Variants in SLC35F4 observed in about 807,000 individuals in gnomAD.
The protein encoded by SLC35F4 is chromosome 14 open reading frame 36.
In SLC35F4, 24 loss-of-function variants were observed where a neutral mutation model predicts 44.2. The observed-to-expected ratio is 0.54, with a 90% CI of 0.39 to 0.76. The LOEUF (loss-of-function observed/expected upper bound fraction) is 0.76. Among genes scored for constraint, SLC35F4 ranks in the 30% least tolerant of loss-of-function variants. The pLI is 0.00. For synonymous variants in SLC35F4, 238 were observed against 223.6 expected, an observed-to-expected ratio of 1.06 and a Z score of -0.57; for missense variants, 562 against 586.1, an observed-to-expected ratio of 0.96 and a Z score of 0.42.
chr14:57,773,848 T>C (rs2077426495), intron 1 of SLC35F4, among the ~76,000 whole-genome samples: 1 of 152,098 alleles, frequency 6.6e-6, no homozygotes, highest in South Asian at 2.1e-4. Context: ...CCCTGAGAAA[T>C]TGGTATGCAC....
intron 1 of SLC35F4, among the ~76,000 whole-genome samples, chr14:57,828,724 G>A (rs567016423): frequency 5.9e-4 from 90 of 152,288 alleles, no homozygotes; most frequent in African/African-American, 2.1e-3. Flanking sequence ...TGGTGATCCA[G>A]GATAGGAGTT....
At chr14:57,735,681 A>T (rs2076445201) in intron 1 of SLC35F4, among the ~76,000 whole-genome samples, 1 of 151,530 alleles carries the variant, frequency 6.6e-6, no homozygotes, top group African/African-American at 2.4e-5. Flanking sequence ...ACTGCATTCT[A>T]TTGCTTAAAA....
At position 57,581,209 on chromosome 14, in the gene SLC35F4, A is replaced by G. The variant is rs1250392652; in HGVS notation, c.807+5T>C. 1.3e-6 allele frequency: 2 copies of G among 1,544,010 alleles called. No homozygotes were observed. The highest frequency in any genetic ancestry group is 1.7e-6 in the Non-Finnish European group (2 of 1,147,794). Reference sequence around the variant, plus strand: ...CATCGCGCATTGAATCAAGTATGCCATTACCCTCACTCCCATGAACCTGTC... The same window carrying G: ...CATCGCGCATTGAATCAAGTATGCCGTTACCCTCACTCCCATGAACCTGTC... On this transcript the variant is annotated splice_donor_5th_base_variant and intron_variant, in intron 4 of 7. Coordinates refer to ENST00000556826, the MANE Select transcript of SLC35F4 (RefSeq NM_001306087.2).
intron 1 of SLC35F4, among the ~76,000 whole-genome samples, chr14:57,742,098 G>A (rs775908318): frequency 2.0e-5 from 3 of 152,068 alleles, no homozygotes; most frequent in East Asian, 1.9e-4. Flanking sequence ...AGGAACAACC[G>A]GTACGAGCCA....
chr14:57,688,761 C>T (rs1051212837), intron 1 of SLC35F4, among the ~76,000 whole-genome samples: 2 of 152,130 alleles, frequency 1.3e-5, no homozygotes, highest in Non-Finnish European at 2.9e-5. Flanking sequence ...GGCTCATACT[C>T]ATTTGTTGAT....
At chr14:57,621,559 C>T (rs549030048) in intron 1 of SLC35F4, among the ~76,000 whole-genome samples, 5 of 152,132 alleles carry the variant, frequency 3.3e-5, no homozygotes, top group Non-Finnish European at 5.9e-5. Flanking sequence ...GAAAAACAAG[C>T]AATGGGAAAG....
At chr14:57,821,298 T>C (rs1178815078) in intron 1 of SLC35F4, among the ~76,000 whole-genome samples, 1 of 152,338 alleles carries the variant, frequency 6.6e-6, no homozygotes, top group South Asian at 2.1e-4. Context: ...TGTGATAGTA[T>C]AGAAAATTAT....
intron 5 of SLC35F4, among the ~76,000 whole-genome samples, chr14:57,571,086 C>T (rs372571177): frequency 2.7e-4 from 41 of 152,122 alleles, no homozygotes; most frequent in African/African-American, 7.5e-4. Context: ...CCAGGAGGGA[C>T]GAAAAGGGTA....
upstream of SLC35F4, among the ~76,000 whole-genome samples, chr14:57,982,848 A>G (rs532427976): frequency 5.9e-5 from 9 of 152,312 alleles, no homozygotes; most frequent in East Asian, 1.7e-3. Flanking sequence ...GTACCACCCC[A>G]AAATTACATG....
intron 1 of SLC35F4, among the ~76,000 whole-genome samples, chr14:57,748,098 A>G (rs547069411): frequency 1.3e-5 from 2 of 152,336 alleles, no homozygotes; most frequent in Admixed American, 6.5e-5. Flanking sequence ...AACTCTATAC[A>G]TGACCAAGAA....
In SLC35F4 at chr14:57,576,793, A is replaced by C. The variant is rs2068818073; in HGVS notation, c.807+4421T>G. 3.3e-5 allele frequency among the ~76,000 whole-genome samples: 5 copies of C among 152,278 alleles called. No homozygotes were observed. The South Asian group carries it at 1.0e-3, about 32-fold the overall frequency. On this transcript the variant is annotated intron_variant, in intron 4 of 7. Transcript: ENST00000556826. ...TTTTATCTGAATAAAATCCATTTGA[A>C]AATGATCTCAGAGGGAGACCTGGAT... is the stretch of plus-strand genomic sequence containing the variant.
downstream of SLC35F4, among the ~76,000 whole-genome samples, chr14:57,976,254 G>T (rs1160288961): frequency 1.3e-5 from 2 of 152,302 alleles, no homozygotes; most frequent in South Asian, 2.1e-4. Context: ...GATATACTGG[G>T]GAAAGGGAAA....
chr14:57,834,741 C>G (rs1329247894), intron 1 of SLC35F4, among the ~76,000 whole-genome samples: 1 of 152,158 alleles, frequency 6.6e-6, no homozygotes, highest in African/African-American at 2.4e-5. Flanking sequence ...CAAAATAGGC[C>G]GGGCACAGTG....
intron 1 of SLC35F4, among the ~76,000 whole-genome samples, chr14:57,684,890 T>C (rs2075022614): frequency 6.6e-6 from 1 of 152,134 alleles, no homozygotes; most frequent in African/African-American, 2.4e-5. Flanking sequence ...GGTAGGTAGA[T>C]TGTGTAGCTC....
intron 1 of SLC35F4, among the ~76,000 whole-genome samples, chr14:57,926,920 T>C (rs1333295209): frequency 6.6e-6 from 1 of 152,190 alleles, no homozygotes; most frequent in Non-Finnish European, 1.5e-5. Flanking sequence ...TGGTCTCCTT[T>C]TCTGTCCTGC....
In SLC35F4 at chr14:57,902,670, T is replaced by A. The variant is rs1022612852; in HGVS notation, n.282+79243A>T. ...AAAAAAATCATGTGTATAAAAATAT[T>A]CATAGCACCATTAACTGTAGCAATA... On this transcript the variant is annotated intron_variant and non_coding_transcript_variant, in intron 1 of 1. Transcript: ENST00000556568. Among the ~76,000 whole-genome samples the A allele has an allele frequency of 1.1e-4, 17 of 152,256 alleles. No homozygotes were observed. In the East Asian group the frequency reaches 1.2e-3, roughly 10 times the overall value.
At chr14:57,656,365 A>G (rs2073970926) in intron 1 of SLC35F4, among the ~76,000 whole-genome samples, 1 of 79,872 alleles carries the variant, frequency 1.3e-5, no homozygotes, top group African/African-American at 6.2e-5. Context: ...TAGAGTATAT[A>G]TATATATATA....
intron 1 of SLC35F4, among the ~76,000 whole-genome samples, chr14:57,957,822 A>C (rs1370107869): frequency 6.6e-6 from 1 of 152,198 alleles, no homozygotes; most frequent in East Asian, 1.9e-4. Flanking sequence ...TCTTCATAAA[A>C]TAAAGAAATA....
At chr14:57,758,005 G>A (rs1002222795) in intron 1 of SLC35F4, among the ~76,000 whole-genome samples, 33 of 125,822 alleles carry the variant, frequency 2.6e-4, no homozygotes, top group South Asian at 1.6e-3. Flanking sequence ...AGGTTCATGT[G>A]TGTGTGTGTG....
Sources: allele counts gnomAD v4.1 joint callset (sites outside exome capture counted in the v4.1 genomes callset), GRCh38; gene constraint gnomAD v4.1.1; transcripts MANE v1.5; gene names NCBI Gene and HGNC (gene_info 2026-07-23, HGNC 2026-07-21).